KRABD3: variants seen among roughly 807,000 people sequenced by gnomAD.
KRABD3 encodes the protein KRAB domain containing 3.
At chr7:149,733,264 C>T in the KRABD3 span, 9 of 1,612,136 alleles carry the variant, frequency 5.6e-6, no homozygotes, top group African/African-American at 8.0e-5. Flanking sequence ...GTGAGTCTCC[C>T]CCTCCGGAGC....
the KRABD3 span, chr7:149,733,585 G>A: frequency 1.3e-6 from 2 of 1,599,174 alleles, no homozygotes; most frequent in African/African-American, 1.3e-5. Context: ...ACTGGAGGCA[G>A]AAGGGACCCA....
chr7:149,724,856 C>T, the KRABD3 span: 1 of 1,555,578 alleles, frequency 6.4e-7, no homozygotes, highest in Admixed American at 1.9e-5. Context: ...CAAGGTGAGG[C>T]CTGAGATTGG....
chr7:149,719,546 G>C, the KRABD3 span: 1 of 1,576,640 alleles, frequency 6.3e-7, no homozygotes, highest in Middle Eastern at 2.0e-4. The surrounding 1 kb of genome is among the most constrained non-coding windows in gnomAD (Gnocchi z 5.6). Flanking sequence ...GTGCCTGCAG[G>C]TGTCCATCAC....
the KRABD3 span, chr7:149,733,915 C>T: frequency 2.5e-6 from 4 of 1,593,938 alleles, no homozygotes; most frequent in Non-Finnish European, 3.4e-6. Flanking sequence ...ACGTGCCGAC[C>T]TCAGGAGTGG....
At chr7:149,729,374 A>G in the KRABD3 span, 2 of 1,466,978 alleles carry the variant, frequency 1.4e-6, no homozygotes, top group Non-Finnish European at 1.8e-6. Flanking sequence ...CCAGAGGGTG[A>G]GCTGGCACCT....
At chr7:149,734,260 C>G in the KRABD3 span, 1 of 612,374 alleles carries the variant, frequency 1.6e-6, no homozygotes, top group Non-Finnish European at 2.8e-6. Context: ...GCCTCTGGCC[C>G]TCTTGGCTCA....
the KRABD3 span, chr7:149,734,096 G>A: frequency 3.2e-6 from 5 of 1,543,924 alleles, no homozygotes; most frequent in African/African-American, 4.1e-5. Context: ...GGGTGCAGTG[G>A]TGGCGTGGAA....
chr7:149,733,637 T>C, the KRABD3 span: 1 of 1,590,554 alleles, frequency 6.3e-7, no homozygotes, highest in Non-Finnish European at 8.6e-7. Context: ...GGGAGAGAGC[T>C]GCAGGGCTGG....
the KRABD3 span, chr7:149,723,595 G>C: frequency 5.0e-6 from 4 of 798,666 alleles, no homozygotes; most frequent in Non-Finnish European, 7.8e-6. Context: ...CCCAGGCACT[G>C]GGAAGACTCA....
the KRABD3 span, chr7:149,719,930 G>T: frequency 6.9e-7 from 1 of 1,455,568 alleles, no homozygotes; most frequent in Non-Finnish European, 9.1e-7. The surrounding 1 kb of genome is among the most constrained non-coding windows in gnomAD (Gnocchi z 5.6). Flanking sequence ...GACCTGCAGG[G>T]GCCTGGGCTG....
At chr7:149,720,018 G>A in the KRABD3 span, 4 of 1,547,840 alleles carry the variant, frequency 2.6e-6, no homozygotes, top group Non-Finnish European at 3.5e-6. Context: ...GGACAGCTGA[G>A]CTGCTCCCCC....
At chr7:149,733,647 G>T in the KRABD3 span, 2 of 1,589,302 alleles carry the variant, frequency 1.3e-6, no homozygotes, top group African/African-American at 2.7e-5. Flanking sequence ...TGCAGGGCTG[G>T]TGACCTGCAA....
At chr7:149,733,581 G>C in the KRABD3 span, 9 of 1,599,600 alleles carry the variant, frequency 5.6e-6, no homozygotes, top group East Asian at 2.0e-4. Context: ...CCCTACTGGA[G>C]GCAGAAGGGA....
the KRABD3 span, chr7:149,724,900 T>C: frequency 1.4e-6 from 2 of 1,432,388 alleles, no homozygotes; most frequent in Non-Finnish European, 1.9e-6. Flanking sequence ...GGCTTGTCAG[T>C]CCCTGGCAAG....
At chr7:149,723,575 G>T in the KRABD3 span, 2 of 666,318 alleles carry the variant, frequency 3.0e-6, no homozygotes, top group Admixed American at 3.0e-5. Context: ...GGTTCTGGCA[G>T]GTGTGTGGAC....
chr7:149,731,117 G>C, the KRABD3 span, among the ~76,000 whole-genome samples: 191 of 152,276 alleles, frequency 1.3e-3, no homozygotes, highest in African/African-American at 4.4e-3. Flanking sequence ...CTGCTGTCCT[G>C]GCCCCCTCAG....
chr7:149,726,284 A>G, the KRABD3 span, among the ~76,000 whole-genome samples: 2 of 152,236 alleles, frequency 1.3e-5, no homozygotes, highest in African/African-American at 4.8e-5. Context: ...GGGACAGGAC[A>G]ATGTCTAAGA....
At chr7:149,715,191 C>G in the KRABD3 span, 1 of 1,222,442 alleles carries the variant, frequency 8.2e-7, no homozygotes, top group African/African-American at 1.6e-5. Context: ...GCCTGATGCT[C>G]AGGGGTTCGT....
the KRABD3 span, among the ~76,000 whole-genome samples, chr7:149,723,365 C>T: frequency 9.2e-5 from 14 of 152,256 alleles, no homozygotes; most frequent in Admixed American, 4.6e-4. Flanking sequence ...GCTGTTCCCA[C>T]TCACAGGGCC....
Sources: gnomAD v4.1 joint callset for allele counts (sites outside exome capture counted in the v4.1 genomes callset) on GRCh38, gnomAD v4.1.1 for gene constraint, Gnocchi (gnomAD v3.1) non-coding constraint, MANE v1.5 for transcripts, NCBI Gene and HGNC (gene_info 2026-07-23, HGNC 2026-07-21) for gene names.